GPHN: variants seen among roughly 807,000 people sequenced by gnomAD.
The protein encoded by GPHN is gephyrin.
GPHN carries 17 observed loss-of-function variants against 95.5 expected under a neutral mutation model. The ratio of observed to expected loss-of-function variants is 0.18; its 90% CI spans 0.12 to 0.27. The LOEUF (loss-of-function observed/expected upper bound fraction) is 0.27. GPHN is among the 10% of genes least tolerant of loss of function. GPHN has a pLI of 1.00. For missense variants in GPHN, 660 were observed against 978.1 expected, an observed-to-expected ratio of 0.67 and a Z score of 4.34; for synonymous variants, 320 against 322.5, an observed-to-expected ratio of 0.99 and a Z score of 0.08.
At chr14:66,627,904 T>C (rs2063583485) in intron 1 of GPHN, among the ~76,000 whole-genome samples, 2 of 152,280 alleles carry the variant, frequency 1.3e-5, no homozygotes, top group South Asian at 4.1e-4. Context: ...AAATCTCTCT[T>C]CTACCTACTG....
chr14:67,169,126 G>A, intron 21 of GPHN, 90 bp downstream of exon 21: 2 of 819,026 alleles, frequency 2.4e-6, no homozygotes, highest in Non-Finnish European at 4.3e-6. Context: ...AACATCTAGA[G>A]TTTTCTATTA....
chr14:66,940,506 CAG>C (rs1491304025), intron 8 of GPHN, among the ~76,000 whole-genome samples: 3 of 152,076 alleles, frequency 2.0e-5, no homozygotes, highest in Admixed American at 6.6e-5. Flanking sequence ...CCCATGTTAA[CAG>C]GGGGAGCTAA....
At chr14:66,571,759 C>T (rs980567254) in intron 1 of GPHN, among the ~76,000 whole-genome samples, 16 of 152,012 alleles carry the variant, frequency 1.1e-4, no homozygotes, top group South Asian at 2.1e-4. Context: ...TACAGTGAGC[C>T]GAGATCGTGC....
chr14:67,687,407 A>G, the GPHN span, among the ~76,000 whole-genome samples: 1 of 140,190 alleles, frequency 7.1e-6, no homozygotes, highest in African/African-American at 2.5e-5. Context: ...TCTCAAACTG[A>G]GCCCGGACCT....
chr14:66,837,955 G>T (rs897083996), intron 4 of GPHN, among the ~76,000 whole-genome samples: 1 of 151,354 alleles, frequency 6.6e-6, no homozygotes, highest in Non-Finnish European at 1.5e-5. Context: ...GGTAAGTTCT[G>T]TTTCTAATTA....
chr14:66,913,001 A>T (rs977476395), intron 5 of GPHN, among the ~76,000 whole-genome samples: 9 of 152,174 alleles, frequency 5.9e-5, no homozygotes, highest in Non-Finnish European at 2.9e-5. Flanking sequence ...ACTTGTTAAG[A>T]TACAGATTAC....
chr14:67,350,713 C>T, the GPHN span: 52 of 1,596,778 alleles, frequency 3.3e-5, no homozygotes, highest in Non-Finnish European at 4.3e-5. Flanking sequence ...AAACCAACAG[C>T]AGATTCAACC....
At chr14:67,221,746 C>T in the GPHN span, 1 of 1,611,130 alleles carries the variant, frequency 6.2e-7, no homozygotes, top group African/African-American at 1.3e-5. Flanking sequence ...GTTATGCTGG[C>T]AAATTTTTGA....
At chr14:67,072,729 T>G (rs1017594841) in intron 11 of GPHN, among the ~76,000 whole-genome samples, 1 of 151,968 alleles carries the variant, frequency 6.6e-6, no homozygotes, top group African/African-American at 2.4e-5. Context: ...TTTTCTAAAA[T>G]CTCGTTTTCA....
the GPHN span, among the ~76,000 whole-genome samples, chr14:67,248,250 A>G: frequency 6.6e-6 from 1 of 152,144 alleles, no homozygotes; most frequent in Admixed American, 6.6e-5. Context: ...TGAAGGAGCA[A>G]TGTCACATGC....
At chr14:67,379,929 C>CT in the GPHN span, among the ~76,000 whole-genome samples, 1 of 151,668 alleles carries the variant, frequency 6.6e-6, no homozygotes, top group Non-Finnish European at 1.5e-5. Context: ...GTCTTTTTTT[C>CT]TTTTTAATAG....
At chr14:66,830,918 A>C (rs912630269) in intron 4 of GPHN, among the ~76,000 whole-genome samples, 8 of 152,082 alleles carry the variant, frequency 5.3e-5, no homozygotes, top group Non-Finnish European at 1.2e-4. Context: ...TTGTTGAAAT[A>C]TATGTATTTC....
At chr14:67,022,567 T>TTGG (rs2073700251) in intron 9 of GPHN, among the ~76,000 whole-genome samples, 2 of 78,778 alleles carry the variant, frequency 2.5e-5, no homozygotes, top group Non-Finnish European at 4.2e-5. Flanking sequence ...TTTTTTTTTT[T>TTGG]GGTGTGTGTG....
the GPHN span, among the ~76,000 whole-genome samples, chr14:67,348,079 T>G: frequency 6.6e-6 from 1 of 150,870 alleles, no homozygotes; most frequent in Non-Finnish European, 1.5e-5. Flanking sequence ...CCAGCTAATT[T>G]TTTTTTTTTT....
At chr14:66,570,831 A>T (rs2069903633) in intron 1 of GPHN, among the ~76,000 whole-genome samples, 1 of 152,032 alleles carries the variant, frequency 6.6e-6, no homozygotes, top group African/African-American at 2.4e-5. Flanking sequence ...GTGATATCTT[A>T]TTGTGGTTAT....
intron 1 of GPHN, among the ~76,000 whole-genome samples, chr14:66,612,073 A>G (rs774552161): frequency 6.6e-6 from 1 of 151,928 alleles, no homozygotes; most frequent in Admixed American, 6.6e-5. Flanking sequence ...AAATAGCCCA[A>G]CACCAATATG....
chr14:67,693,108 G>T, the GPHN span: 1 of 1,234,832 alleles, frequency 8.1e-7, no homozygotes, highest in Non-Finnish European at 1.2e-6. Context: ...TCAGCCAGTA[G>T]GTTCCTGCAA....
At chr14:67,521,655 T>C in the GPHN span, among the ~76,000 whole-genome samples, 1 of 152,360 alleles carries the variant, frequency 6.6e-6, no homozygotes, top group East Asian at 1.9e-4. Flanking sequence ...TCTGTGATCA[T>C]GTGAATTCAT....
chr14:66,931,453 G>GTCTC (rs148521427), intron 8 of GPHN, among the ~76,000 whole-genome samples: 205 of 150,266 alleles, frequency 1.4e-3, no homozygotes, highest in Non-Finnish European at 2.2e-3. Flanking sequence ...CCTGATCTCA[G>GTCTC]TCTCTCTCTC....
Sources: allele counts gnomAD v4.1 joint callset (sites outside exome capture counted in the v4.1 genomes callset), GRCh38; gene constraint gnomAD v4.1.1; transcripts MANE v1.5; gene names NCBI Gene and HGNC (gene_info 2026-07-23, HGNC 2026-07-21).